The following TANC1 variants were observed in gnomAD, a reference collection of about 807,000 sequenced individuals.
TANC1 encodes protein TANC1.
TANC1 carries 77 observed loss-of-function variants against 149.7 expected under a neutral mutation model. That is an observed-to-expected ratio of 0.51 (90% CI 0.43 to 0.62). The LOEUF (loss-of-function observed/expected upper bound fraction) is 0.62, where lower values mean the gene tolerates loss of function less well. TANC1 is among the 20% of genes least tolerant of loss of function. TANC1 has a pLI of 0.00. For missense variants in TANC1, 1,985 were observed against 2,321.8 expected (o/e 0.85, Z 2.98); for synonymous variants, 854 against 925.0 (o/e 0.92, Z 1.39).
rs182285842 is a variant in TANC1, at chr2:159,139,190, A to G, written c.364+2892A>G. On this transcript the variant is annotated intron_variant, in intron 5 of 26. Coordinates refer to ENST00000263635, the MANE Select transcript of TANC1 (RefSeq NM_033394.3). ...TGAGAACAGCCTGAGCAGCATAGTGAGACCTTGTCTCTTTAAAAAAGAAAG... is the reference window on the plus strand; with the variant it reads ...TGAGAACAGCCTGAGCAGCATAGTGGGACCTTGTCTCTTTAAAAAAGAAAG... Among the ~76,000 whole-genome samples the G allele has an allele frequency of 8.1e-4, 124 of 152,264 alleles. 1 individual carries two copies. Among genetic ancestry groups the G allele is most frequent in the African/African-American group, 2.9e-3 (121 of 41,524 alleles).
At chr2:158,994,059 C>G (rs946665327) in intron 1 of TANC1, among the ~76,000 whole-genome samples, 7 of 152,286 alleles carry the variant, frequency 4.6e-5, no homozygotes, top group Middle Eastern at 3.4e-3. Context: ...CTACACATAT[C>G]TGATTTTCAC....
chr2:159,059,549 A>G (rs1026273905), intron 2 of TANC1, among the ~76,000 whole-genome samples: 2 of 152,022 alleles, frequency 1.3e-5, no homozygotes, highest in Non-Finnish European at 2.9e-5. Context: ...CCAAAGGCCA[A>G]TTCTTTACTT....
chr2:158,971,856 T>C (rs971466020), intron 1 of TANC1, among the ~76,000 whole-genome samples: 131 of 152,348 alleles, frequency 8.6e-4, no homozygotes, highest in African/African-American at 3.0e-3. Context: ...TAGACCTGTA[T>C]CATCTATAAA....
At position 159,172,111 on chromosome 2, in the gene TANC1, T is replaced by G. The variant is rs2055324467; in HGVS notation, c.1352-10T>G. 6.2e-7 allele frequency: 1 copy of G among 1,613,658 alleles called. No homozygotes were observed. On this transcript the variant is annotated splice_polypyrimidine_tract_variant and intron_variant, in intron 10 of 26. Coordinates refer to ENST00000263635, the MANE Select transcript of TANC1 (RefSeq NM_033394.3). ...GTGATGTACATAATGAAATGGGTCT[T>G]TCTCTGCAGCCTCTGACCCCACTCA...
intron 2 of TANC1, among the ~76,000 whole-genome samples, chr2:159,003,539 C>A (rs775674648): frequency 6.6e-6 from 1 of 151,840 alleles, no homozygotes; most frequent in Non-Finnish European, 1.5e-5. Context: ...ATTGCCTGCC[C>A]GAGGCTACAC....
chr2:159,199,128 T>A, intron 19 of TANC1, 75 bp downstream of exon 19: 2 of 1,060,170 alleles, frequency 1.9e-6, no homozygotes, highest in Non-Finnish European at 2.9e-6. Flanking sequence ...CTAATTGTCT[T>A]AAGAATGACT....
At chr2:159,120,922 G>A (rs2048784906) in intron 4 of TANC1, among the ~76,000 whole-genome samples, 1 of 151,866 alleles carries the variant, frequency 6.6e-6, no homozygotes, top group African/African-American at 2.4e-5. Context: ...TTTTACTTAC[G>A]GCAGTTGAGG....
intron 1 of TANC1, among the ~76,000 whole-genome samples, chr2:158,970,212 T>C (rs1277878962): frequency 6.6e-6 from 1 of 152,026 alleles, no homozygotes; most frequent in Non-Finnish European, 1.5e-5. Flanking sequence ...TATTTCTCTG[T>C]AGTGGAAATG....
At chr2:159,222,778 T>G (rs997989060) in intron 22 of TANC1, among the ~76,000 whole-genome samples, 1 of 152,240 alleles carries the variant, frequency 6.6e-6, no homozygotes, top group Non-Finnish European at 1.5e-5. Context: ...CTGGCTCATA[T>G]AGTGATTGTA....
At position 158,996,612 on chromosome 2, in the gene TANC1, T is replaced by C. The variant is rs552659190; in HGVS notation, c.-125-4468T>C. Among the ~76,000 whole-genome samples the C allele has an allele frequency of 5.3e-5, 8 of 152,364 alleles. No individual in the cohort carries two copies. In the South Asian group the frequency reaches 1.7e-3, roughly 32 times the overall value. ...ATTTTAAATAACACTGCAGTGAACATTATTCTAGTTTTATTGAATGACTTC... is the reference window on the plus strand; with the variant it reads ...ATTTTAAATAACACTGCAGTGAACACTATTCTAGTTTTATTGAATGACTTC... On this transcript the variant is annotated intron_variant, in intron 1 of 26. Transcript: ENST00000263635.
chr2:159,174,386 A>G (rs1036650496), intron 11 of TANC1, among the ~76,000 whole-genome samples: 2 of 152,070 alleles, frequency 1.3e-5, no homozygotes, highest in Non-Finnish European at 2.9e-5. Context: ...TTCTTCAGAC[A>G]GTGCCCCTGT....
At chr2:159,090,446 T>C (rs928174233) in intron 3 of TANC1, among the ~76,000 whole-genome samples, 1 of 152,166 alleles carries the variant, frequency 6.6e-6, no homozygotes, top group African/African-American at 2.4e-5. Context: ...CTTGGTGAGC[T>C]TTAAGGACCA....
chr2:158,987,925 A>T (rs1211052277), intron 1 of TANC1, among the ~76,000 whole-genome samples: 2 of 152,092 alleles, frequency 1.3e-5, no homozygotes, highest in African/African-American at 2.4e-5. Context: ...TCAGCTAGAG[A>T]GTGTATTTAG....
At chr2:159,065,028 TG>T (rs2042542134) in intron 2 of TANC1, among the ~76,000 whole-genome samples, 1 of 152,180 alleles carries the variant, frequency 6.6e-6, no homozygotes. Context: ...CCACTAAGAT[TG>T]GTTACCATCT....
At chr2:159,210,340 C>G (rs1038851924) in intron 19 of TANC1, among the ~76,000 whole-genome samples, 1 of 152,156 alleles carries the variant, frequency 6.6e-6, no homozygotes, top group African/African-American at 2.4e-5. Context: ...GGGAGCACAT[C>G]CTGTGAATTT....
Position 159,228,860 on chromosome 2 carries a change from C to T in TANC1, c.4115C>T (p.Ala1372Val), listed in dbSNP as rs371240519. 112 of 1,613,960 alleles carry T rather than the reference C, an allele frequency of 6.9e-5. No individual in the cohort carries two copies. Among genetic ancestry groups the T allele is most frequent in the Non-Finnish European group, 8.4e-5 (99 of 1,180,004 alleles). Residue 1372 changes from alanine (A) to valine (V), a missense_variant, in exon 26 of 27, where the codon GCC (alanine) becomes GTC (valine). Physicochemically the swap from Ala to Val is moderately conservative, Grantham distance 64 (BLOSUM62 0). This residue lies in a region of TANC1 where 920 missense variants were observed against 994.7 expected (regional missense o/e 0.92). Coordinates refer to ENST00000263635, the MANE Select transcript of TANC1 (RefSeq NM_033394.3). ...ALELKPKSYE[A>V]FYARARAKRN... ...GAATTGAAGCCCAAGTCCTATGAAG[C>T]CTTTTATGCCAGAGCAAGAGCGAAG...
intron 4 of TANC1, among the ~76,000 whole-genome samples, chr2:159,098,726 T>C (rs2046377158): frequency 6.6e-6 from 1 of 152,198 alleles, no homozygotes; most frequent in South Asian, 2.1e-4. Flanking sequence ...GTTTTACACT[T>C]AACATTACCC....
chr2:158,987,213 CAA>C (rs34300029), intron 1 of TANC1, among the ~76,000 whole-genome samples: 8 of 76,018 alleles, frequency 1.1e-4, no homozygotes, highest in African/African-American at 1.2e-4. Flanking sequence ...GACTCATCTC[CAA>C]AAAAAAAAAA....
intron 3 of TANC1, among the ~76,000 whole-genome samples, chr2:159,072,215 C>T (rs1343223994): frequency 6.6e-6 from 1 of 152,230 alleles, no homozygotes; most frequent in Non-Finnish European, 1.5e-5. Context: ...ATCCTAACCT[C>T]AGGTGATCTG....
Sources: allele counts gnomAD v4.1 joint callset (sites outside exome capture counted in the v4.1 genomes callset), GRCh38; gene constraint gnomAD v4.1.1; regional missense constraint gnomAD v4.1.1; transcripts MANE v1.5; gene names NCBI Gene and HGNC (gene_info 2026-07-23, HGNC 2026-07-21).